PAG1: variants seen among roughly 807,000 people sequenced by gnomAD.
The protein encoded by PAG1 is phosphoprotein membrane anchor with glycosphingolipid microdomains 1, also known as phosphoprotein associated with glycosphingolipid-enriched microdomains 1.
In PAG1, 23 loss-of-function variants were observed where a neutral mutation model predicts 31.7. The ratio of observed to expected loss-of-function variants is 0.73; its 90% CI spans 0.52 to 1.03. The LOEUF is 1.03. Among genes scored for constraint, PAG1 ranks in the 50% least tolerant of loss-of-function variants. PAG1 has a pLI of 0.00. For missense variants in PAG1, 473 were observed against 540.7 expected (o/e 0.87, Z 1.24); for synonymous variants, 214 against 210.3 (o/e 1.02, Z -0.15).
At chr8:81,058,917 T>C in intron 2 of PAG1, among the ~76,000 whole-genome samples, 1 of 152,182 alleles carries the variant, frequency 6.6e-6, no homozygotes, top group Non-Finnish European at 1.5e-5. Flanking sequence ...ATGGATCTTC[T>C]TAACTCAATA....
At chr8:81,053,885 C>T (rs77984981) in intron 2 of PAG1, among the ~76,000 whole-genome samples, 3,019 of 152,198 alleles carry the variant, frequency 0.02, 97 homozygotes, top group African/African-American at 0.063. Context: ...TCAGGGTATG[C>T]GAATGCTTTC....
intron 2 of PAG1, among the ~76,000 whole-genome samples, chr8:81,043,451 A>C (rs1261360451): frequency 2.0e-5 from 3 of 151,684 alleles, no homozygotes; most frequent in Non-Finnish European, 4.4e-5. Context: ...ATAGTACCCT[A>C]TACTAGTCAC....
chr8:81,080,661 T>C (rs1159958919), intron 1 of PAG1, among the ~76,000 whole-genome samples: 1 of 152,192 alleles, frequency 6.6e-6, no homozygotes, highest in Non-Finnish European at 1.5e-5. Flanking sequence ...TTTTCTTATT[T>C]TTCCTGAGAA....
chr8:81,060,761 T>G (rs1808904526), intron 2 of PAG1, among the ~76,000 whole-genome samples: 1 of 152,188 alleles, frequency 6.6e-6, no homozygotes, highest in Non-Finnish European at 1.5e-5. Context: ...TACTTCAAAG[T>G]GTGAAAGATG....
chr8:81,000,048 G>A (rs1586156192), intron 3 of PAG1, among the ~76,000 whole-genome samples: 2 of 152,176 alleles, frequency 1.3e-5, no homozygotes, highest in East Asian at 1.9e-4. Context: ...TAAGGAGCAC[G>A]GGTAGTGGGG....
chr8:80,980,802 T>C (rs1404396387), intron 7 of PAG1, among the ~76,000 whole-genome samples: 1 of 152,224 alleles, frequency 6.6e-6, no homozygotes, highest in Admixed American at 6.5e-5. Flanking sequence ...GGATTGATCA[T>C]CCATGGAGGA....
At chr8:81,061,852 C>G (rs1808923124) in intron 2 of PAG1, among the ~76,000 whole-genome samples, 1 of 152,094 alleles carries the variant, frequency 6.6e-6, no homozygotes, top group Non-Finnish European at 1.5e-5. Flanking sequence ...AAGCGGAGAT[C>G]TGAATGACAA....
chr8:81,005,027 A>C (rs1807850994), intron 3 of PAG1, among the ~76,000 whole-genome samples: 1 of 152,198 alleles, frequency 6.6e-6, no homozygotes, highest in African/African-American at 2.4e-5. Context: ...GAAAGCTTAA[A>C]ACAGAAAATA....
At chr8:81,040,165 C>T (rs747790773) in intron 2 of PAG1, among the ~76,000 whole-genome samples, 16 of 152,184 alleles carry the variant, frequency 1.1e-4, no homozygotes, top group Non-Finnish European at 2.1e-4. Context: ...TTTTTCAGCC[C>T]TTAGTGTATA....
At position 81,040,068 on chromosome 8, in the gene PAG1, C is replaced by T. The variant is rs554897864; in HGVS notation, c.-174-9979G>A. ...ACTGATATGCTACATCACTTATTTT[C>T]TTAGACTCCCCTCTTGGTTAATTCA... On this transcript the variant is annotated intron_variant, in intron 2 of 8. Transcript: ENST00000220597. Among the ~76,000 whole-genome samples, 12 of 152,248 alleles carry T rather than the reference C, an allele frequency of 7.9e-5. No homozygotes were observed. The East Asian group carries it at 2.3e-3, about 29-fold the overall frequency.
intron 1 of PAG1, among the ~76,000 whole-genome samples, chr8:81,099,477 AG>A (rs987662367): frequency 1.3e-5 from 2 of 152,208 alleles, no homozygotes; most frequent in Non-Finnish European, 2.9e-5. Flanking sequence ...TTAGTCTGAG[AG>A]TTCCGATAAC....
rs549117820 is a variant in PAG1 at position 81,075,739 on chromosome 8, G to A, written c.-233-5569C>T. On this transcript the variant is annotated intron_variant, in intron 1 of 8. Coordinates refer to ENST00000220597, the MANE Select transcript of PAG1 (RefSeq NM_018440.4). ...ACCTGATTCCACAGCAGCTCCTCACGCACACACACAAGATAACACACAGCT... is the reference window on the plus strand; with the variant it reads ...ACCTGATTCCACAGCAGCTCCTCACACACACACACAAGATAACACACAGCT... Among the ~76,000 whole-genome samples, 79 of 152,254 alleles carry A rather than the reference G, an allele frequency of 5.2e-4. 1 individual carries two copies. The highest frequency in any genetic ancestry group is 9.8e-4 in the Admixed American group (15 of 15,288).
intron 3 of PAG1, among the ~76,000 whole-genome samples, chr8:80,997,063 T>C (rs544496816): frequency 1.8e-3 from 268 of 150,116 alleles, no homozygotes; most frequent in African/African-American, 6.2e-3. Flanking sequence ...GACATGGTTA[T>C]GGTCCACAAG....
intron 3 of PAG1, among the ~76,000 whole-genome samples, chr8:80,998,810 C>A (rs1807733544): frequency 6.6e-6 from 1 of 152,044 alleles, no homozygotes; most frequent in African/African-American, 2.4e-5. Context: ...TAGTCATTAC[C>A]TTTTTACAGC....
chr8:81,023,709 TTTTTC>T (rs1178226046), intron 3 of PAG1, among the ~76,000 whole-genome samples: 2 of 152,156 alleles, frequency 1.3e-5, no homozygotes, highest in Non-Finnish European at 2.9e-5. Flanking sequence ...TTATCATTAC[TTTTTC>T]TTTTATCAAC....
rs1199265707 is a variant in PAG1, at chr8:80,972,060, G to A, written c.*4484C>T. 2 of 152,146 alleles carry A rather than the reference G, an allele frequency of 1.3e-5. No homozygotes were observed. Among genetic ancestry groups the A allele is most frequent in the East Asian group, 3.8e-4 (2 of 5,204 alleles). 9.4% of individuals were successfully genotyped at this position (152,146 alleles called of 1,614,324 possible). On this transcript the variant is annotated 3_prime_UTR_variant, in exon 9 of 9. Coordinates refer to ENST00000220597, the MANE Select transcript of PAG1 (RefSeq NM_018440.4). ...GCAAGAAAATACTACTGTAGAATAA[G>A]GAATTTAGATTTCACTGCAAATAAA... is the stretch of plus-strand genomic sequence containing the variant.
chr8:81,000,443 C>T (rs1807764563), intron 3 of PAG1, among the ~76,000 whole-genome samples: 1 of 152,002 alleles, frequency 6.6e-6, no homozygotes. Flanking sequence ...GAGACAGCAT[C>T]TTCCTCTGTC....
At chr8:80,991,847 G>A (rs1243112193) in intron 4 of PAG1, among the ~76,000 whole-genome samples, 1 of 148,756 alleles carries the variant, frequency 6.7e-6, no homozygotes, top group Non-Finnish European at 1.5e-5. Context: ...AACTAGCAGA[G>A]TAAGTTATAC....
intron 3 of PAG1, among the ~76,000 whole-genome samples, chr8:81,000,112 G>A (rs1235098735): frequency 1.3e-5 from 2 of 152,136 alleles, no homozygotes; most frequent in African/African-American, 4.8e-5. Flanking sequence ...GTGTATTTTG[G>A]GCTTTAGGTT....
Sources: allele counts gnomAD v4.1 joint callset (sites outside exome capture counted in the v4.1 genomes callset), GRCh38; gene constraint gnomAD v4.1.1; transcripts MANE v1.5; gene names NCBI Gene and HGNC (gene_info 2026-07-23, HGNC 2026-07-21).